OR1J2: variants seen among roughly 807,000 people sequenced by gnomAD.
OR1J2 encodes olfactory receptor 1J2.
For missense variants in OR1J2, 304 were observed against 246.1 expected, an observed-to-expected ratio of 1.24 and a Z score of -1.57; for synonymous variants, 142 against 99.7, an observed-to-expected ratio of 1.42 and a Z score of -2.52.
chr9:122,468,160 A>G, the OR1J2 span, among the ~76,000 whole-genome samples: 244 of 152,370 alleles, frequency 1.6e-3, 2 homozygotes, highest in Non-Finnish European at 3.0e-3. Flanking sequence ...GTGTATACCT[A>G]TTAAAGCAAG....
At chr9:122,534,809 G>T in the OR1J2 span, among the ~76,000 whole-genome samples, 1 of 152,240 alleles carries the variant, frequency 6.6e-6, no homozygotes, top group East Asian at 1.9e-4. Context: ...GGGAGGAACT[G>T]ATGTGTAAAA....
chr9:122,468,579 A>G, the OR1J2 span, among the ~76,000 whole-genome samples: 2 of 151,686 alleles, frequency 1.3e-5, no homozygotes, highest in Non-Finnish European at 2.9e-5. Flanking sequence ...TACTTCAGGG[A>G]TCTTAACCCA....
At chr9:122,567,541 G>T in the OR1J2 span, 1 of 1,546,882 alleles carries the variant, frequency 6.5e-7, no homozygotes, top group Non-Finnish European at 8.7e-7. Context: ...TTTCAAGAGG[G>T]TGCTTCCTAG....
the OR1J2 span, among the ~76,000 whole-genome samples, chr9:122,485,350 C>T: frequency 5.3e-5 from 8 of 152,268 alleles, no homozygotes; most frequent in East Asian, 1.9e-4. Flanking sequence ...AAAGGCTTTC[C>T]GCACAGACTC....
chr9:122,486,085 C>T, the OR1J2 span, among the ~76,000 whole-genome samples: 5 of 151,842 alleles, frequency 3.3e-5, no homozygotes, highest in African/African-American at 7.3e-5. Flanking sequence ...CTCAGCCTCC[C>T]GAGTAGCTGG....
At chr9:122,553,418 G>C in the OR1J2 span, 1 of 1,614,142 alleles carries the variant, frequency 6.2e-7, no homozygotes, top group Non-Finnish European at 8.5e-7. Context: ...TGGCCAACCT[G>C]TCATTAACTG....
At chr9:122,495,250 G>A in the OR1J2 span, among the ~76,000 whole-genome samples, 2 of 152,100 alleles carry the variant, frequency 1.3e-5, no homozygotes, top group Admixed American at 6.5e-5. Flanking sequence ...GGCTGGGGAA[G>A]TTTTCCTTGA....
chr9:122,472,514 G>A, the OR1J2 span, among the ~76,000 whole-genome samples: 1 of 152,168 alleles, frequency 6.6e-6, no homozygotes, highest in East Asian at 1.9e-4. Flanking sequence ...GAGCTAAAAG[G>A]TCTCCCTTTG....
the OR1J2 span, among the ~76,000 whole-genome samples, chr9:122,482,391 G>C: frequency 6.6e-6 from 1 of 152,088 alleles, no homozygotes; most frequent in South Asian, 2.1e-4. Context: ...CCTGGATGTG[G>C]AAAAAGGGGA....
At chr9:122,491,477 G>A in the OR1J2 span, among the ~76,000 whole-genome samples, 1 of 151,948 alleles carries the variant, frequency 6.6e-6, no homozygotes, top group African/African-American at 2.4e-5. Flanking sequence ...GGAAAGGGAA[G>A]GGAATAGTTG....
chr9:122,474,999 C>T, the OR1J2 span: 1 of 152,144 alleles, frequency 6.6e-6, no homozygotes, highest in Non-Finnish European at 1.5e-5. Flanking sequence ...ATTTTGTGCA[C>T]CCTGGGTTAT....
chr9:122,492,116 C>G, the OR1J2 span, among the ~76,000 whole-genome samples: 1 of 152,068 alleles, frequency 6.6e-6, no homozygotes, highest in Non-Finnish European at 1.5e-5. Context: ...AGGTACTGAG[C>G]ATAGTACCTA....
the OR1J2 span, among the ~76,000 whole-genome samples, chr9:122,494,267 C>G: frequency 6.6e-6 from 1 of 152,124 alleles, no homozygotes; most frequent in African/African-American, 2.4e-5. Flanking sequence ...CTGTCTAGTG[C>G]TGTCAGTGGA....
At chr9:122,552,526 C>T in the OR1J2 span, among the ~76,000 whole-genome samples, 45,445 of 151,450 alleles carry the variant, frequency 0.3, 7,290 homozygotes, top group East Asian at 0.53. Flanking sequence ...GGCTCCCTGT[C>T]CTATTTGTAT....
chr9:122,523,027 A>G, the OR1J2 span, among the ~76,000 whole-genome samples: 4 of 152,220 alleles, frequency 2.6e-5, no homozygotes, highest in Non-Finnish European at 5.9e-5. Flanking sequence ...GGGAAAATTG[A>G]GGCTTAGAGA....
At chr9:122,469,270 A>T in the OR1J2 span, among the ~76,000 whole-genome samples, 2 of 152,132 alleles carry the variant, frequency 1.3e-5, no homozygotes, top group Non-Finnish European at 2.9e-5. Context: ...TGTGGGAGGG[A>T]CCCAGTGGTA....
chr9:122,527,205 A>C, the OR1J2 span: 3 of 1,614,154 alleles, frequency 1.9e-6, no homozygotes, highest in Non-Finnish European at 2.5e-6. Flanking sequence ...ATACATACAC[A>C]GGAAAATTCC....
the OR1J2 span, among the ~76,000 whole-genome samples, chr9:122,502,490 C>A: frequency 2.6e-5 from 4 of 152,178 alleles, no homozygotes; most frequent in African/African-American, 9.7e-5. Context: ...CGCAGACCTT[C>A]ATCTCTGAGG....
At chr9:122,543,391 T>C in the OR1J2 span, among the ~76,000 whole-genome samples, 1 of 152,086 alleles carries the variant, frequency 6.6e-6, no homozygotes, top group African/African-American at 2.4e-5. Flanking sequence ...TTTGTAGAGA[T>C]GGGGTTTTGC....
Sources: gnomAD v4.1 joint callset for allele counts (sites outside exome capture counted in the v4.1 genomes callset) on GRCh38, gnomAD v4.1.1 for gene constraint, MANE v1.5 for transcripts, NCBI Gene and HGNC (gene_info 2026-07-23, HGNC 2026-07-21) for gene names.